The following UNC5C variants were observed in gnomAD, a reference collection of about 807,000 sequenced individuals.
UNC5C encodes the protein netrin receptor UNC5C.
In UNC5C, 47 loss-of-function variants were observed where a neutral mutation model predicts 99.8. That is an observed-to-expected ratio of 0.47 (90% CI 0.37 to 0.60). The LOEUF (loss-of-function observed/expected upper bound fraction) is 0.60. UNC5C is among the 20% of genes least tolerant of loss of function. The pLI, the probability that UNC5C is intolerant of heterozygous loss-of-function variation, is 0.00. For missense variants in UNC5C, 1,062 were observed against 1,165.9 expected (o/e 0.91, Z 1.30); for synonymous variants, 487 against 452.2 (o/e 1.08, Z -0.98).
chr4:95,442,400 G>A (rs911692538), intron 1 of UNC5C, among the ~76,000 whole-genome samples: 1 of 146,936 alleles, frequency 6.8e-6, no homozygotes. Flanking sequence ...TAGAGACAGG[G>A]TATCACTATG....
chr4:95,476,374 T>G (rs1748147175), intron 1 of UNC5C, among the ~76,000 whole-genome samples: 1 of 152,108 alleles, frequency 6.6e-6, no homozygotes, highest in Non-Finnish European at 1.5e-5. Flanking sequence ...CAGGGTACTT[T>G]GCAGTCATAA....
intron 1 of UNC5C, among the ~76,000 whole-genome samples, chr4:95,347,209 T>A (rs186651466): frequency 6.6e-6 from 1 of 151,854 alleles, no homozygotes; most frequent in African/African-American, 2.4e-5. Context: ...ATTAAAGAAG[T>A]GAAATATCTC....
chr4:95,174,823 G>T (rs968196593), intron 14 of UNC5C, among the ~76,000 whole-genome samples: 1 of 145,946 alleles, frequency 6.9e-6, no homozygotes. Flanking sequence ...TCATTGATCT[G>T]TCTGATGTTG....
At chr4:95,339,644 C>T (rs1743485330) in intron 1 of UNC5C, among the ~76,000 whole-genome samples, 1 of 151,994 alleles carries the variant, frequency 6.6e-6, no homozygotes, top group Non-Finnish European at 1.5e-5. Context: ...AGTTTGTGAA[C>T]AGCAACTTCA....
At chr4:95,242,334 G>T in intron 7 of UNC5C, 95 bp downstream of exon 7, 1 of 1,499,004 alleles carries the variant, frequency 6.7e-7, no homozygotes, top group Non-Finnish European at 9.0e-7. Context: ...TATTGTTGTT[G>T]AAAGAATTCT....
intron 6 of UNC5C, 66 bp downstream of exon 6, chr4:95,244,911 T>TA: frequency 6.3e-7 from 1 of 1,587,896 alleles, no homozygotes; most frequent in Non-Finnish European, 8.6e-7. Context: ...TCTGTGTATC[T>TA]ATTCTCTAAA....
At chr4:95,501,783 T>G (rs900230363) in intron 1 of UNC5C, among the ~76,000 whole-genome samples, 2 of 152,160 alleles carry the variant, frequency 1.3e-5, no homozygotes, top group African/African-American at 2.4e-5. Flanking sequence ...TGAGGGAGTT[T>G]TGAATTTCAC....
rs761517236 is a variant in UNC5C, at chr4:95,490,007, C to A, written c.124+58727G>T. ...GGATAATCAGAACCATGGCACACAA[C>A]TGGGGAAAATACATGTGTACACAGA... On this transcript the variant is annotated intron_variant, in intron 1 of 15. Coordinates refer to ENST00000453304, the MANE Select transcript of UNC5C (RefSeq NM_003728.4). Among the ~76,000 whole-genome samples, 3 of 150,996 alleles carry A rather than the reference C, an allele frequency of 2.0e-5. No individual in the cohort carries two copies. The Admixed American group carries it at 2.0e-4, about 10-fold the overall frequency.
At chr4:95,268,083 G>A (rs1490872013) in intron 4 of UNC5C, among the ~76,000 whole-genome samples, 1 of 151,504 alleles carries the variant, frequency 6.6e-6, no homozygotes, top group Non-Finnish European at 1.5e-5. Context: ...CGGAGTAGCT[G>A]GGACTACAGG....
At chr4:95,468,137 T>TG (rs1747848631) in intron 1 of UNC5C, among the ~76,000 whole-genome samples, 1 of 151,550 alleles carries the variant, frequency 6.6e-6, no homozygotes, top group Non-Finnish European at 1.5e-5. Flanking sequence ...GGTTTTTTTT[T>TG]TTTTTGTTTT....
intron 2 of UNC5C, among the ~76,000 whole-genome samples, chr4:95,308,096 A>G (rs1020065312): frequency 3.3e-5 from 5 of 152,194 alleles, no homozygotes; most frequent in African/African-American, 4.8e-5. Flanking sequence ...TATTCAACAT[A>G]GTACTGTCTT....
chr4:95,535,801 C>T (rs1041261795), intron 1 of UNC5C, among the ~76,000 whole-genome samples: 1 of 151,946 alleles, frequency 6.6e-6, no homozygotes, highest in Non-Finnish European at 1.5e-5. Flanking sequence ...CAGATCCAAA[C>T]ACGCACACAC....
intron 4 of UNC5C, among the ~76,000 whole-genome samples, chr4:95,266,388 C>T (rs1324573682): frequency 6.6e-6 from 1 of 152,158 alleles, no homozygotes; most frequent in Non-Finnish European, 1.5e-5. Flanking sequence ...ACAGTGTTCT[C>T]AAAATACTAA....
intron 2 of UNC5C, among the ~76,000 whole-genome samples, chr4:95,319,743 T>C (rs1216587560): frequency 2.0e-5 from 3 of 152,140 alleles, no homozygotes; most frequent in Non-Finnish European, 2.9e-5. Context: ...CATTTGATTG[T>C]TCATCGATTG....
chr4:95,290,251 G>GAAC (rs1216829878), intron 3 of UNC5C, among the ~76,000 whole-genome samples: 1 of 151,980 alleles, frequency 6.6e-6, no homozygotes, highest in African/African-American at 2.4e-5. Context: ...AGGGTGCAGT[G>GAAC]AACTATGCTC....
chr4:95,468,420 T>C lies in UNC5C; in HGVS notation c.124+80314A>G, dbSNP rs958016378. 2.0e-5 allele frequency among the ~76,000 whole-genome samples: 3 copies of C among 152,272 alleles called. No individual in the cohort carries two copies. In the South Asian group the frequency reaches 6.2e-4, roughly 32 times the overall value. On this transcript the variant is annotated intron_variant, in intron 1 of 15. Coordinates refer to ENST00000453304, the MANE Select transcript of UNC5C (RefSeq NM_003728.4). ...CATGGTGGCTATTAGCTATTGAATT[T>C]CTCCAAGATCTATATCTTGAAATGC...
At chr4:95,218,380 C>A (rs532787470) in intron 9 of UNC5C, among the ~76,000 whole-genome samples, 2 of 152,034 alleles carry the variant, frequency 1.3e-5, no homozygotes, top group Admixed American at 6.6e-5. Flanking sequence ...AAACTGAAAC[C>A]AAGTAATAGT....
At position 95,335,634 on chromosome 4, in the gene UNC5C, GAGAA is replaced by G; in HGVS notation, c.125-7_125-4del. 1 of 1,602,038 alleles carries G rather than the reference GAGAA, an allele frequency of 6.2e-7. No homozygotes were observed. The highest frequency in any genetic ancestry group is 8.5e-7 in the Non-Finnish European group (1 of 1,174,888). On this transcript the variant is annotated splice_region_variant and splice_polypyrimidine_tract_variant and intron_variant, in intron 1 of 15. Coordinates refer to ENST00000453304, the MANE Select transcript of UNC5C (RefSeq NM_003728.4). ...GAGTTCATGAAAAAAGTCATCATCT[GAGAA>G]AGAAGAAGAAAGTGGAAGATGGTTA...
chr4:95,319,819 G>A (rs1742613393), intron 2 of UNC5C, among the ~76,000 whole-genome samples: 1 of 152,112 alleles, frequency 6.6e-6, no homozygotes, highest in South Asian at 2.1e-4. Flanking sequence ...GATAGGGTGG[G>A]GAGAGAGAAA....
Sources: allele counts gnomAD v4.1 joint callset (sites outside exome capture counted in the v4.1 genomes callset), GRCh38; gene constraint gnomAD v4.1.1; transcripts MANE v1.5; gene names NCBI Gene and HGNC (gene_info 2026-07-23, HGNC 2026-07-21).